ZNF786: variants seen among roughly 807,000 people sequenced by gnomAD.
ZNF786 encodes zinc finger protein 786.
ZNF786 carries 56 observed loss-of-function variants against 63.1 expected under a neutral mutation model. The ratio of observed to expected loss-of-function variants is 0.89; its 90% CI spans 0.72 to 1.11. The LOEUF (loss-of-function observed/expected upper bound fraction) is 1.11, where lower values mean the gene tolerates loss of function less well. ZNF786 is among the 50% of genes least tolerant of loss of function. The pLI, the probability that ZNF786 is intolerant of heterozygous loss-of-function variation, is 0.00. For missense variants in ZNF786, 1,213 were observed against 1,041.8 expected (o/e 1.16, Z -2.26); for synonymous variants, 485 against 406.9 (o/e 1.19, Z -2.31).
At position 149,080,667 on chromosome 7, in the gene ZNF786, C is replaced by A. The variant is rs1300476061; in HGVS notation, c.69G>T (p.Trp23Cys). ...DVAIYFSEQE[W>C]QDLEAWQKEL... ...CCTTCTGCCATGCCTCTAGATCCTG[C>A]CATTCTTGCTCGGAGAAATAAATAG... Residue 23 changes from tryptophan to cysteine, a missense_variant, in exon 2 of 4, where the codon TGG (tryptophan) becomes TGT (cysteine). Transcript: ENST00000491431. The A allele has an allele frequency of 6.2e-7, 1 of 1,611,632 alleles. No homozygotes were observed. The highest frequency in any genetic ancestry group is 2.2e-5 in the East Asian group (1 of 44,862).
At position 149,072,292 on chromosome 7, in the gene ZNF786, G is replaced by C. The variant is rs1362102033; in HGVS notation, c.480C>G (p.Thr160=). 2 of 1,613,636 alleles carry C rather than the reference G, an allele frequency of 1.2e-6. No homozygotes were observed. Among genetic ancestry groups the C allele is most frequent in the East Asian group, 2.2e-5 (1 of 44,892 alleles). ...TGGGACCTGGGATTCCTTCTTTTAG[G>C]GTAGATTCACTGGGGCCGCAGGCTA... is the stretch of plus-strand genomic sequence containing the variant. ...PPLACGPSES[T]LKEGIPGPRN... Residue 160 remains threonine, a synonymous_variant, in exon 4 of 4, where the codon ACC becomes ACG. Transcript: ENST00000491431.
chr7:149,089,441 G>T (rs944525247), intron 1 of ZNF786, among the ~76,000 whole-genome samples: 19 of 152,042 alleles, frequency 1.2e-4, no homozygotes, highest in Admixed American at 1.2e-3. Flanking sequence ...TCAGCCTCCC[G>T]AGGAGCTGGG....
rs772728405 is a variant in ZNF786, at chr7:149,074,448, T to C, written c.236A>G (p.Asn79Ser). ...RKWRESQKSG[N>S]IICSSVDMHF... ...CATATCAACAGAGGAGCAAATTATG[T>C]TTCCTGATTTCTGTGATTCTCTCCA... is the stretch of plus-strand genomic sequence containing the variant. The change falls in exon 3 of 4, where the codon AAC becomes AGC. Residue 79 changes from asparagine to serine, a missense_variant. Asn to Ser is a conservative substitution (Grantham distance 46, BLOSUM62 1). Coordinates refer to ENST00000491431, the MANE Select transcript of ZNF786 (RefSeq NM_152411.4). The C allele has an allele frequency of 1.2e-6, 2 of 1,613,902 alleles. No homozygotes were observed. The highest frequency in any genetic ancestry group is 3.3e-5 in the Admixed American group (2 of 59,996).
chr7:149,074,720 C>A (rs1374651874), intron 2 of ZNF786, among the ~76,000 whole-genome samples, 182 bp from the exon 3 acceptor site: 4 of 151,374 alleles, frequency 2.6e-5, no homozygotes, highest in Non-Finnish European at 5.9e-5. Flanking sequence ...CCTAGTCTGT[C>A]TGGGCATGTT....
intron 2 of ZNF786, 147 bp from the exon 3 acceptor site, chr7:149,074,685 C>T (rs1006167580): frequency 8.8e-6 from 8 of 909,158 alleles, no homozygotes; most frequent in East Asian, 2.7e-5. Context: ...GATGAAAAAA[C>T]CGCCTACACA....
intron 1 of ZNF786, among the ~76,000 whole-genome samples, chr7:149,085,289 T>C (rs928142208): frequency 6.6e-6 from 1 of 152,184 alleles, no homozygotes; most frequent in African/African-American, 2.4e-5. Flanking sequence ...TTTGGTTACA[T>C]ATGAATTTTA....
At chr7:149,082,433 G>A (rs1244702209) in intron 1 of ZNF786, 1 of 478,740 alleles carries the variant, frequency 2.1e-6, no homozygotes, top group African/African-American at 2.0e-5. Context: ...ACTTCCTGAG[G>A]CTCACAACTA....
intron 2 of ZNF786, among the ~76,000 whole-genome samples, chr7:149,077,584 C>A (rs1210919798): frequency 6.6e-6 from 1 of 151,974 alleles, no homozygotes; most frequent in Non-Finnish European, 1.5e-5. Flanking sequence ...GCTGAGATTG[C>A]GCCACAGCAC....
In ZNF786 at chr7:149,071,300, C is replaced by A. The variant is rs1356123569; in HGVS notation, c.1472G>T (p.Arg491Leu). The change falls in exon 4 of 4, where the codon CGC becomes CTC. Residue 491 changes from arginine to leucine, a missense_variant. Arg to Leu is a moderately radical substitution (Grantham distance 102, BLOSUM62 -2). Coordinates refer to ENST00000491431, the MANE Select transcript of ZNF786 (RefSeq NM_152411.4). ...FQCPECGLSF[R>L]LESMLRAHRL... ...GTGGGCTCTCAGCATGCTCTCCAGG[C>A]GGAAGCTCAGCCCACACTCTGGGCA... 5 of 1,613,306 alleles carry A rather than the reference C, an allele frequency of 3.1e-6. No homozygotes were observed. Among genetic ancestry groups the A allele is most frequent in the Non-Finnish European group, 4.2e-6 (5 of 1,179,826 alleles).
chr7:149,071,713 G>A lies in ZNF786; in HGVS notation c.1059C>T (p.His353=), dbSNP rs1478095394. 1.3e-6 allele frequency: 2 copies of A among 1,580,984 alleles called. No homozygotes were observed. Among genetic ancestry groups the A allele is most frequent in the Non-Finnish European group, 1.7e-6 (2 of 1,171,520 alleles). Residue 353 remains histidine, a synonymous_variant, in exon 4 of 4, where the codon CAC becomes CAT. Coordinates refer to ENST00000491431, the MANE Select transcript of ZNF786 (RefSeq NM_152411.4). ...GCAGCGCCTCCGTGTCCCCTTCCTGGTGGCTGTTCCCCTCCTGGGGCAGGC... is the reference window on the plus strand; with the variant it reads ...GCAGCGCCTCCGTGTCCCCTTCCTGATGGCTGTTCCCCTCCTGGGGCAGGC... ...GSRLPQEGNS[H]QEGDTEALQH...
chr7:149,071,851 TGGGA>T lies in ZNF786; in HGVS notation c.917_920del (p.Leu306GlnfsTer74). On this transcript the variant is annotated frameshift_variant, in exon 4 of 4. Coordinates refer to ENST00000491431, the MANE Select transcript of ZNF786 (RefSeq NM_152411.4). LOFTEE classifies it high-confidence loss of function. ...ACCGGCGAGCCTGCGTGCTGTCCACTGGGAGGGAGCGCTTGCCGCATGGGGTGCA... is the reference window on the plus strand; with the variant it reads ...ACCGGCGAGCCTGCGTGCTGTCCACTGGGAGCGCTTGCCGCATGGGGTGCA... 6.3e-7 allele frequency: 1 copy of T among 1,597,904 alleles called. No homozygotes were observed. Among genetic ancestry groups the T allele is most frequent in the Non-Finnish European group, 8.5e-7 (1 of 1,176,156 alleles).
intron 3 of ZNF786, among the ~76,000 whole-genome samples, chr7:149,073,745 GTGTATATATATA>G (rs1416479619): frequency 7.4e-5 from 5 of 67,778 alleles, no homozygotes; most frequent in Non-Finnish European, 1.1e-4. Context: ...GTGTGTGTGT[GTGTATATATATA>G]TATATATATA....
rs768819572 is a variant in ZNF786 at position 149,080,586 on chromosome 7, C to T, written c.145+5G>A. The T allele has an allele frequency of 2.4e-5, 38 of 1,594,062 alleles. No homozygotes were observed. Among genetic ancestry groups the T allele is most frequent in the Non-Finnish European group, 3.0e-5 (35 of 1,172,994 alleles). On this transcript the variant is annotated splice_donor_5th_base_variant and intron_variant, in intron 2 of 3. Coordinates refer to ENST00000491431, the MANE Select transcript of ZNF786 (RefSeq NM_152411.4). ...GACCTACCCACAAAGGTGAACAGGT[C>T]TTACCTAGAGAGACGAGAGTCTCAT...
At chr7:149,089,068 C>T (rs1825786546) in intron 1 of ZNF786, among the ~76,000 whole-genome samples, 1 of 150,890 alleles carries the variant, frequency 6.6e-6, no homozygotes, top group Admixed American at 6.6e-5. Context: ...CCGCCTCAGC[C>T]TCCCGAGCAG....
rs1477213292 is a variant in ZNF786 at position 149,075,666 on chromosome 7, T to TTTG, written c.146-1129_146-1128insCAA. ...CTGACACACTTCAGGTTTTTTTTTT[T>TTTG]TTTTTTTTTTTTTTTTTGATAGAGT... On this transcript the variant is annotated intron_variant, in intron 2 of 3. Coordinates refer to ENST00000491431, the MANE Select transcript of ZNF786 (RefSeq NM_152411.4). Among the ~76,000 whole-genome samples, 64 of 118,014 alleles carry TTTG rather than the reference T, an allele frequency of 5.4e-4. 2 individuals are homozygous for TTTG. Among genetic ancestry groups the TTTG allele is most frequent in the South Asian group, 1.3e-3 (4 of 3,038 alleles). 77.4% of individuals were successfully genotyped at this position (118,014 alleles called of 152,430 possible).
At chr7:149,083,303 C>G (rs1264276755) in intron 1 of ZNF786, among the ~76,000 whole-genome samples, 1 of 151,860 alleles carries the variant, frequency 6.6e-6, no homozygotes, top group Non-Finnish European at 1.5e-5. Context: ...GCAACCTCCA[C>G]CCACCAGGGT....
Position 149,071,838 on chromosome 7 carries a change from G to T in ZNF786, c.934C>A (p.Gln312Lys), listed in dbSNP as rs753646964. 1 of 1,594,810 alleles carries T rather than the reference G, an allele frequency of 6.3e-7. No homozygotes were observed. The highest frequency in any genetic ancestry group is 1.1e-5 in the South Asian group (1 of 90,582). Residue 312 changes from glutamine (Q) to lysine (K), a missense_variant, in exon 4 of 4, where the codon CAG becomes AAG. Gln to Lys is a moderately conservative substitution (Grantham distance 53). Transcript: ENST00000491431. ...GKRSLPVDSTQARRCQHSREG... is the reference protein window; with the variant it reads ...GKRSLPVDSTKARRCQHSREG... ...CGGCTGTGCTGGCACCGGCGAGCCT[G>T]CGTGCTGTCCACTGGGAGGGAGCGC...
At chr7:149,073,831 G>C (rs1331845892) in intron 3 of ZNF786, among the ~76,000 whole-genome samples, 1 of 139,968 alleles carries the variant, frequency 7.1e-6, no homozygotes, top group Non-Finnish European at 1.5e-5. Flanking sequence ...CCATCGCCCA[G>C]GCTGGAGTGC....
In ZNF786 at chr7:149,070,866, T is replaced by C. The variant is rs779256801; in HGVS notation, c.1906A>G (p.Met636Val). 5.3e-5 allele frequency: 86 copies of C among 1,610,258 alleles called. No individual in the cohort carries two copies. The South Asian group carries it at 9.0e-4, about 17-fold the overall frequency. The change falls in exon 4 of 4, where the codon ATG becomes GTG. Residue 636 changes from methionine (M) to valine (V), a missense_variant. Physicochemically the swap from Met to Val is conservative, Grantham distance 21 (BLOSUM62 1). Coordinates refer to ENST00000491431, the MANE Select transcript of ZNF786 (RefSeq NM_152411.4). Reference protein sequence around the residue: ...CDKRYRVKADMKAHQLLHSGE... With the variant: ...CDKRYRVKADVKAHQLLHSGE... The stretch of plus-strand genomic sequence containing the variant: ...CTGTGCAGCAGCTGGTGGGCCTTCA[T>C]GTCGGCCTTCACGCGATAGCGCTTG...
Sources: allele counts gnomAD v4.1 joint callset (sites outside exome capture counted in the v4.1 genomes callset), GRCh38; gene constraint gnomAD v4.1.1; transcripts MANE v1.5; gene names NCBI Gene and HGNC (gene_info 2026-07-23, HGNC 2026-07-21).